FAM120B: variants seen among roughly 807,000 people sequenced by gnomAD.
FAM120B encodes constitutive coactivator of peroxisome proliferator-activated receptor gamma.
In FAM120B, 83 loss-of-function variants were observed where a neutral mutation model predicts 96.3. That is an observed-to-expected ratio of 0.86 (90% CI 0.72 to 1.03). The LOEUF is 1.03. Ranked by LOEUF, FAM120B falls within the 50% of genes least tolerant of loss-of-function variation. The pLI, the probability that FAM120B is intolerant of heterozygous loss-of-function variation, is 0.00. For missense variants in FAM120B, 1,027 were observed against 1,121.2 expected (o/e 0.92, Z 1.20); for synonymous variants, 407 against 402.7 (o/e 1.01, Z -0.13).
intron 4 of FAM120B, among the ~76,000 whole-genome samples, chr6:170,333,733 G>A (rs112208153): frequency 9.9e-5 from 15 of 152,186 alleles, no homozygotes; most frequent in African/African-American, 2.6e-4. Flanking sequence ...TGATCCTTCC[G>A]CTTCTGCCTC....
intron 1 of FAM120B, among the ~76,000 whole-genome samples, chr6:170,298,608 A>G (rs566513330): frequency 6.6e-6 from 1 of 152,172 alleles, no homozygotes; most frequent in South Asian, 2.1e-4. Context: ...TGATCATACA[A>G]TGCCTTCAAA....
intron 5 of FAM120B, 24 bp from the exon 6 acceptor site, chr6:170,358,202 C>G: frequency 1.3e-6 from 2 of 1,559,920 alleles, no homozygotes; most frequent in Non-Finnish European, 1.8e-6. Flanking sequence ...TAGCCTAACA[C>G]TGGCCTTTCT....
chr6:170,382,149 G>GGT (rs1789941820), intron 6 of FAM120B, among the ~76,000 whole-genome samples: 1 of 152,298 alleles, frequency 6.6e-6, no homozygotes, highest in South Asian at 2.1e-4. Context: ...GGTGGGGTGT[G>GGT]GTGGCTCATG....
intron 9 of FAM120B, among the ~76,000 whole-genome samples, chr6:170,397,718 C>T (rs912732925): frequency 2.0e-5 from 3 of 152,170 alleles, no homozygotes; most frequent in African/African-American, 7.2e-5. Context: ...GCGGGCATCC[C>T]AGCCTCATCC....
At chr6:170,322,183 G>A (rs1172622679) in intron 2 of FAM120B, among the ~76,000 whole-genome samples, 1 of 152,216 alleles carries the variant, frequency 6.6e-6, no homozygotes, top group East Asian at 1.9e-4. Flanking sequence ...CATTACAGAG[G>A]AGAAGCACCT....
At chr6:170,348,090 G>A (rs1267145885) in intron 4 of FAM120B, 61 bp from the exon 5 acceptor site, 1 of 1,322,338 alleles carries the variant, frequency 7.6e-7, no homozygotes, top group Non-Finnish European at 1.1e-6. Flanking sequence ...TTTCTACAAG[G>A]AGCATATTAT....
chr6:170,400,416 A>G (rs965945828), intron 9 of FAM120B, among the ~76,000 whole-genome samples: 1 of 152,138 alleles, frequency 6.6e-6, no homozygotes, highest in Non-Finnish European at 1.5e-5. Flanking sequence ...GGGAATGATA[A>G]GAGTCACAGG....
chr6:170,380,726 C>T (rs1789854213), intron 6 of FAM120B, among the ~76,000 whole-genome samples: 1 of 152,138 alleles, frequency 6.6e-6, no homozygotes, highest in East Asian at 1.9e-4. Flanking sequence ...TGTGTGAGTT[C>T]CTTACATATT....
At chr6:170,379,909 G>A (rs76088532) in intron 6 of FAM120B, among the ~76,000 whole-genome samples, 3,072 of 152,270 alleles carry the variant, frequency 0.02, 103 homozygotes, top group African/African-American at 0.067. Context: ...GTATACAGTA[G>A]AGTGTTATTA....
intron 6 of FAM120B, among the ~76,000 whole-genome samples, chr6:170,372,544 C>T: frequency 6.6e-6 from 1 of 152,182 alleles, no homozygotes; most frequent in East Asian, 1.9e-4. Flanking sequence ...AGTTGTAACT[C>T]AGAGCCATGC....
At chr6:170,372,185 C>T (rs1000654484) in intron 6 of FAM120B, among the ~76,000 whole-genome samples, 3 of 152,018 alleles carry the variant, frequency 2.0e-5, no homozygotes, top group African/African-American at 7.2e-5. Flanking sequence ...AATTTGTTTA[C>T]TCTCAGTTTT....
chr6:170,390,867 G>A, intron 7 of FAM120B, 146 bp from the exon 8 acceptor site: 1 of 685,126 alleles, frequency 1.5e-6, no homozygotes, highest in Non-Finnish European at 2.7e-6. Flanking sequence ...TGCGGTTCAT[G>A]TCTGGGAGGA....
intron 1 of FAM120B, chr6:170,298,149 T>A (rs1168785930): frequency 1.3e-5 from 2 of 152,212 alleles, no homozygotes; most frequent in Middle Eastern, 3.2e-3. Flanking sequence ...AAGCTCTTTC[T>A]TTCCTTTCCT....
intron 1 of FAM120B, among the ~76,000 whole-genome samples, chr6:170,296,166 T>C (rs1257898308): frequency 1.3e-5 from 2 of 151,952 alleles, no homozygotes; most frequent in Non-Finnish European, 2.9e-5. Context: ...ACCCCGGAGC[T>C]GCCCCTCCGA....
At chr6:170,301,289 G>A (rs1464668416) in intron 1 of FAM120B, among the ~76,000 whole-genome samples, 1 of 152,248 alleles carries the variant, frequency 6.6e-6, no homozygotes, top group East Asian at 1.9e-4. Context: ...AGCCTGATCT[G>A]TACATTGGCA....
chr6:170,333,364 A>G (rs1786193915), intron 4 of FAM120B, among the ~76,000 whole-genome samples: 1 of 152,094 alleles, frequency 6.6e-6, no homozygotes. Context: ...CCATGCTGGC[A>G]CCTTGATCTT....
chr6:170,388,450 A>C lies in FAM120B; in HGVS notation c.2447A>C (p.Gln816Pro). 2 of 1,614,200 alleles carry C rather than the reference A, an allele frequency of 1.2e-6. No homozygotes were observed. The highest frequency in any genetic ancestry group is 1.7e-6 in the Non-Finnish European group (2 of 1,180,040). ...AAGCTTTTTCATCAGAAGTACTTGC[A>C]ATCTGAAAAGGGTTATGCTGTGGAG... ...DGKLFHQKYL[Q>P]SEKGYAVEVL... Residue 816 changes from glutamine to proline, a missense_variant, in exon 7 of 11, where the codon CAA becomes CCA. By Grantham distance (76) the Gln-to-Pro change is moderately conservative (BLOSUM62 -1). Around this residue, in one of 3 missense-constraint regions of FAM120B, gnomAD observed 142 missense variants for 122.5 expected, o/e 1.16. Coordinates refer to ENST00000476287, the MANE Select transcript of FAM120B (RefSeq NM_032448.3).
rs374382021 is a variant in FAM120B at position 170,364,061 on chromosome 6, G to GTT, written c.2283+5749_2283+5750dup. Among the ~76,000 whole-genome samples, 486 of 152,212 alleles carry GTT rather than the reference G, an allele frequency of 3.2e-3. 3 individuals carry two copies. Among genetic ancestry groups the GTT allele is most frequent in the African/African-American group, 0.011 (463 of 41,508 alleles). ...ACATAATTTTTTAAAAATGTGTTTT[G>GTT]TTTTTTTGGGATGTGGCTATGTGCT... On this transcript the variant is annotated intron_variant, in intron 6 of 10. Transcript: ENST00000476287.
intron 1 of FAM120B, among the ~76,000 whole-genome samples, chr6:170,316,166 C>CTGATAAT (rs1784890265): frequency 1.3e-5 from 2 of 151,312 alleles, no homozygotes; most frequent in African/African-American, 4.9e-5. Flanking sequence ...TAAAATAAAG[C>CTGATAAT]TGATAATATT....
Sources: allele counts gnomAD v4.1 joint callset (sites outside exome capture counted in the v4.1 genomes callset), GRCh38; gene constraint gnomAD v4.1.1; regional missense constraint gnomAD v4.1.1; transcripts MANE v1.5; gene names NCBI Gene and HGNC (gene_info 2026-07-23, HGNC 2026-07-21).